Variants in CRLF1 observed in about 807,000 individuals in gnomAD.
CRLF1 encodes the protein cytokine receptor like factor 1.
In CRLF1, 36 loss-of-function variants were observed where a neutral mutation model predicts 48.9. The observed-to-expected ratio is 0.74, with a 90% CI of 0.56 to 0.97. CRLF1 has a LOEUF of 0.97. Ranked by LOEUF, CRLF1 falls within the 50% of genes least tolerant of loss-of-function variation. The pLI is 0.00. For missense variants in CRLF1, 534 were observed against 575.1 expected (o/e 0.93, Z 0.73); for synonymous variants, 256 against 253.4 (o/e 1.01, Z -0.10).
rs1249279544 is a variant in CRLF1, at chr19:18,593,381, G to A, written c.*185C>T. The A allele has an allele frequency of 1.6e-5, 12 of 733,616 alleles. No homozygotes were observed. Among genetic ancestry groups the A allele is most frequent in the Non-Finnish European group, 2.7e-5 (12 of 442,296 alleles). 45.4% of individuals were successfully genotyped at this position (733,616 alleles called of 1,614,324 possible). A position where few individuals can be genotyped will look rare whatever the true frequency, so the allele number is the denominator to read the frequency against. ...CTCACACACACACACACACCCACTG[G>A]GGTGCACCCAAAGGTGGCCTCACGT... On this transcript the variant is annotated 3_prime_UTR_variant, in exon 9 of 9. Coordinates refer to ENST00000392386, the MANE Select transcript of CRLF1 (RefSeq NM_004750.5).
At chr19:18,596,867 C>A (rs763321938) in intron 5 of CRLF1, 25 bp downstream of exon 5, 4 of 1,613,582 alleles carry the variant, frequency 2.5e-6, no homozygotes, top group Non-Finnish European at 3.4e-6. Flanking sequence ...GGAACAGGGG[C>A]GGAGTCAGGG....
intron 8 of CRLF1, chr19:18,593,804 G>A (rs1460458847): frequency 2.0e-6 from 2 of 985,374 alleles, no homozygotes; most frequent in Non-Finnish European, 2.4e-6. Context: ...GCTAACTAGG[G>A]TGAGTATGTT....
chr19:18,594,522 C>T, intron 6 of CRLF1, 88 bp from the exon 7 acceptor site: 8 of 1,057,322 alleles, frequency 7.6e-6, no homozygotes, highest in Non-Finnish European at 9.7e-6. Flanking sequence ...GCGGCGGGAC[C>T]ATGCTCCCCT....
chr19:18,599,979 G>C (rs1976199166), intron 1 of CRLF1, 133 bp from the exon 2 acceptor site: 1 of 1,015,964 alleles, frequency 9.8e-7, no homozygotes, highest in Admixed American at 3.2e-5. Context: ...TACAGATAGG[G>C]AAGGTAGAGA....
intron 1 of CRLF1, among the ~76,000 whole-genome samples, chr19:18,602,279 G>C (rs1402859044): frequency 5.3e-5 from 8 of 152,210 alleles, no homozygotes; most frequent in Non-Finnish European, 1.0e-4. Flanking sequence ...CTGAGTCTCA[G>C]TTTCCCCATC....
At chr19:18,593,842 G>A in intron 8 of CRLF1, 1 of 985,444 alleles carries the variant, frequency 1.0e-6, no homozygotes, top group Non-Finnish European at 1.2e-6. Flanking sequence ...ATTCCACTTC[G>A]GACATTTTCA....
chr19:18,593,697 G>C, intron 8 of CRLF1, 118 bp from the exon 9 acceptor site: 1 of 1,539,996 alleles, frequency 6.5e-7, no homozygotes, highest in Non-Finnish European at 8.8e-7. Flanking sequence ...GTGTGACTTT[G>C]GGCAGGGTCC....
At chr19:18,594,030 G>GCGGGGGGGCCCCC in intron 8 of CRLF1, 35 bp downstream of exon 8, 2 of 1,315,308 alleles carry the variant, frequency 1.5e-6, no homozygotes, top group Non-Finnish European at 2.1e-6. Context: ...CCCTCCCCTT[G>GCGGGGGGGCCCCC]CTCCCTCCCG....
At position 18,596,643 on chromosome 19, in the gene CRLF1, C is replaced by G. The variant is rs1214132345; in HGVS notation, c.1003G>C (p.Ala335Pro). 1 of 1,613,838 alleles carries G rather than the reference C, an allele frequency of 6.2e-7. No homozygotes were observed. Among genetic ancestry groups the G allele is most frequent in the South Asian group, 1.1e-5 (1 of 91,070 alleles). ...GIWSEWSHPT[A>P]ASTPRSERPG... ...TCACCACTGCGGGGAGTGGAGGCGG[C>G]TGTGGGGTGGCTCCACTCACTCCAG... Residue 335 changes from alanine to proline, a missense_variant, in exon 6 of 9, where the codon GCC becomes CCC. Coordinates refer to ENST00000392386, the MANE Select transcript of CRLF1 (RefSeq NM_004750.5).
chr19:18,593,384 T>C lies in CRLF1; in HGVS notation c.*182A>G. On this transcript the variant is annotated 3_prime_UTR_variant, in exon 9 of 9. Transcript: ENST00000392386. ...ACACACACACACACACCCACTGGGG[T>C]GCACCCAAAGGTGGCCTCACGTGGG... 1 of 745,976 alleles carries C rather than the reference T, an allele frequency of 1.3e-6. No individual in the cohort carries two copies. The highest frequency in any genetic ancestry group is 2.2e-6 in the Non-Finnish European group (1 of 453,674). 46.2% of individuals were successfully genotyped at this position (745,976 alleles called of 1,614,324 possible).
chr19:18,596,905 C>T lies in CRLF1; in HGVS notation c.842G>A (p.Ser281Asn), dbSNP rs1382688215. ...KYQIRYRVEDSVDWKVVDDVS... is the reference protein window; with the variant it reads ...KYQIRYRVEDNVDWKVVDDVS... Reference sequence around the variant, plus strand: ...GGGGAGGGTCACCTTCCAGTCCACACTGTCCTCCACTCGGTAGCGGATCTG... The same window carrying T: ...GGGGAGGGTCACCTTCCAGTCCACATTGTCCTCCACTCGGTAGCGGATCTG... Residue 281 changes from serine (S) to asparagine (N), a missense_variant, in exon 5 of 9, where the codon AGT (serine) becomes AAT (asparagine). This residue lies in a region of CRLF1 where 528 missense variants were observed against 555.7 expected (regional missense o/e 0.95). Transcript: ENST00000392386. 3.1e-6 allele frequency: 5 copies of T among 1,614,124 alleles called. No homozygotes were observed. In the Admixed American group the frequency reaches 8.3e-5, roughly 27 times the overall value.
At chr19:18,593,995 C>A (rs965981827) in intron 8 of CRLF1, 70 bp downstream of exon 8, 19 of 1,534,412 alleles carry the variant, frequency 1.2e-5, no homozygotes, top group Non-Finnish European at 1.7e-5. Context: ...GGGGTGTGAA[C>A]AAGACCTGCA....
At position 18,599,609 on chromosome 19, in the gene CRLF1, G is replaced by T; in HGVS notation, c.353C>A (p.Ala118Asp). Reference protein sequence around the residue: ...QRSGDNLVCHARDGSILAGSC... With the variant: ...QRSGDNLVCHDRDGSILAGSC... ...GCCAGCCAGGATGCTGCCGTCACGG[G>T]CGTGGCACACGAGGTTGTCCCCCGA... Residue 118 changes from alanine to aspartate, a missense_variant, in exon 2 of 9, where the codon GCC becomes GAC. This residue lies in a region of CRLF1 where 528 missense variants were observed against 555.7 expected (regional missense o/e 0.95). Coordinates refer to ENST00000392386, the MANE Select transcript of CRLF1 (RefSeq NM_004750.5). The T allele has an allele frequency of 6.2e-7, 1 of 1,613,258 alleles. No homozygotes were observed. The highest frequency in any genetic ancestry group is 8.5e-7 in the Non-Finnish European group (1 of 1,180,032).
intron 8 of CRLF1, 58 bp from the exon 9 acceptor site, chr19:18,593,637 G>A: frequency 6.4e-7 from 1 of 1,567,620 alleles, no homozygotes; most frequent in Non-Finnish European, 8.6e-7. Context: ...CCGCACCACA[G>A]AGCCACTGAA....
chr19:18,599,664 G>C lies in CRLF1; in HGVS notation c.298C>G (p.Leu100Val), dbSNP rs547116691. Residue 100 changes from leucine (L) to valine (V), a missense_variant, in exon 2 of 9, where the codon CTG (leucine) becomes GTG (valine). Physicochemically the swap from Leu to Val is conservative, Grantham distance 32. Coordinates refer to ENST00000392386, the MANE Select transcript of CRLF1 (RefSeq NM_004750.5). ...VLNASTLALA[L>V]ANLNGSRQRS... ...TGCCTGGACCCATTGAGGTTGGCCA[G>C]GGCCAGAGCCAAGGTGGAGGCGTTG... is the stretch of plus-strand genomic sequence containing the variant. The C allele has an allele frequency of 6.2e-7, 1 of 1,613,440 alleles. No homozygotes were observed. Among genetic ancestry groups the C allele is most frequent in the African/African-American group, 1.3e-5 (1 of 75,068 alleles).
At chr19:18,601,094 C>T (rs990782921) in intron 1 of CRLF1, among the ~76,000 whole-genome samples, 5 of 152,244 alleles carry the variant, frequency 3.3e-5, no homozygotes, top group Admixed American at 6.5e-5. Flanking sequence ...GCATGAGCTT[C>T]GGTGCCTAGC....
chr19:18,596,868 G>A (rs1976142720), intron 5 of CRLF1, 24 bp downstream of exon 5: 4 of 1,613,858 alleles, frequency 2.5e-6, no homozygotes, highest in Non-Finnish European at 3.4e-6. Flanking sequence ...GAACAGGGGC[G>A]GAGTCAGGGA....
At chr19:18,594,505 C>A (rs1177052181) in intron 6 of CRLF1, 71 bp from the exon 7 acceptor site, 3 of 1,187,878 alleles carry the variant, frequency 2.5e-6, no homozygotes, top group Admixed American at 4.4e-5. Flanking sequence ...AGAGGGGAGA[C>A]CCCGGCGCGG....
intron 8 of CRLF1, 35 bp downstream of exon 8, chr19:18,594,030 G>GGGGGGGC: frequency 2.3e-6 from 3 of 1,315,308 alleles, no homozygotes; most frequent in Non-Finnish European, 3.2e-6. Flanking sequence ...CCCTCCCCTT[G>GGGGGGGC]CTCCCTCCCG....
Sources: gnomAD v4.1 joint callset for allele counts (sites outside exome capture counted in the v4.1 genomes callset) on GRCh38, gnomAD v4.1.1 for gene constraint, gnomAD v4.1.1 regional missense constraint, MANE v1.5 for transcripts, NCBI Gene and HGNC (gene_info 2026-07-23, HGNC 2026-07-21) for gene names.